Variants in IL6R observed in about 807,000 individuals in gnomAD.
IL6R encodes interleukin-6 receptor subunit alpha.
A neutral mutation model predicts 48.3 loss-of-function variants in IL6R; 38 were observed. That is an observed-to-expected ratio of 0.79 (90% CI 0.61 to 1.03). The LOEUF is 1.03. Ranked by LOEUF, IL6R falls within the 50% of genes least tolerant of loss-of-function variation. IL6R has a pLI of 0.00. For synonymous variants in IL6R, 264 were observed against 256.2 expected, an observed-to-expected ratio of 1.03 and a Z score of -0.29; for missense variants, 534 against 618.3, an observed-to-expected ratio of 0.86 and a Z score of 1.45.
intron 9 of IL6R, among the ~76,000 whole-genome samples, chr1:154,462,563 T>TG (rs1182377989): frequency 1.3e-5 from 2 of 151,572 alleles, no homozygotes; most frequent in African/African-American, 2.4e-5. Flanking sequence ...TTAATAGAGG[T>TG]GGGGTTTCAC....
At chr1:154,439,390 A>G (rs1467437960) in intron 6 of IL6R, among the ~76,000 whole-genome samples, 1 of 152,016 alleles carries the variant, frequency 6.6e-6, no homozygotes, top group Admixed American at 6.6e-5. Context: ...TCTCAGCTCA[A>G]TGCAACCTCT....
chr1:154,435,297 G>A (rs966101252), intron 5 of IL6R, 141 bp downstream of exon 5: 3 of 713,438 alleles, frequency 4.2e-6, no homozygotes, highest in Non-Finnish European at 4.6e-6. Flanking sequence ...ATCACTTGAG[G>A]TCAGGAGTTC....
chr1:154,449,003 C>T (rs1297154820), intron 7 of IL6R, among the ~76,000 whole-genome samples: 2 of 146,774 alleles, frequency 1.4e-5, no homozygotes, highest in East Asian at 4.0e-4. Context: ...ACGCCATTCT[C>T]CTGCCTCAGC....
At chr1:154,458,181 A>G (rs1172026020) in intron 9 of IL6R, among the ~76,000 whole-genome samples, 1 of 151,924 alleles carries the variant, frequency 6.6e-6, no homozygotes, top group Non-Finnish European at 1.5e-5. Flanking sequence ...CGTGTTAGCC[A>G]GGATGGTTTC....
In IL6R at chr1:154,449,966, C is replaced by A; in HGVS notation, c.1052C>A (p.Ala351Glu). ...ATTCTCTTCAGAGATTCTGCAAATG[C>A]GACAAGCCTCCCAGGTAAGGACTGG... is the stretch of plus-strand genomic sequence containing the variant. Reference protein sequence around the residue: ...DNILFRDSANATSLPVQDSSS... With the variant: ...DNILFRDSANETSLPVQDSSS... Residue 351 changes from alanine to glutamate, a missense_variant, in exon 8 of 10, where the codon GCG (alanine) becomes GAG (glutamate). Coordinates refer to ENST00000368485, the MANE Select transcript of IL6R (RefSeq NM_000565.4). 1.2e-6 allele frequency: 2 copies of A among 1,605,652 alleles called. No homozygotes were observed. Among genetic ancestry groups the A allele is most frequent in the Non-Finnish European group, 1.7e-6 (2 of 1,172,308 alleles).
At chr1:154,451,543 A>C (rs1690580567) in intron 8 of IL6R, among the ~76,000 whole-genome samples, 1 of 151,896 alleles carries the variant, frequency 6.6e-6, no homozygotes, top group African/African-American at 2.4e-5. Flanking sequence ...CAACAACAAA[A>C]ACAAAAGCTG....
chr1:154,461,218 C>T (rs529209010), intron 9 of IL6R, among the ~76,000 whole-genome samples: 94 of 152,284 alleles, frequency 6.2e-4, no homozygotes, highest in African/African-American at 2.2e-3. Flanking sequence ...ACCAGGAGTG[C>T]GGGAGGAGCA....
chr1:154,420,628 C>T (rs192639768), intron 1 of IL6R, among the ~76,000 whole-genome samples: 2 of 151,726 alleles, frequency 1.3e-5, no homozygotes, highest in Non-Finnish European at 2.9e-5. Context: ...CTCTGCCTCC[C>T]GGATTCAAGC....
At chr1:154,432,655 G>T (rs1689364059) in intron 3 of IL6R, among the ~76,000 whole-genome samples, 1 of 152,212 alleles carries the variant, frequency 6.6e-6, no homozygotes, top group Non-Finnish European at 1.5e-5. Flanking sequence ...ACCGCGCCCG[G>T]CTTGACTGGA....
intron 1 of IL6R, among the ~76,000 whole-genome samples, chr1:154,416,763 GA>G (rs1408156070): frequency 2.0e-5 from 3 of 152,126 alleles, no homozygotes; most frequent in African/African-American, 7.2e-5. Context: ...GGGCCTGTAT[GA>G]AAAAGTGTTA....
At chr1:154,435,236 A>G (rs2149244700) in intron 5 of IL6R, 80 bp downstream of exon 5, 2 of 1,389,404 alleles carry the variant, frequency 1.4e-6, no homozygotes, top group South Asian at 1.3e-5. Context: ...GAGGCCAGGC[A>G]TGGTGGCTCA....
chr1:154,449,611 C>A (rs917610512), intron 7 of IL6R, among the ~76,000 whole-genome samples: 1 of 152,224 alleles, frequency 6.6e-6, no homozygotes, highest in African/African-American at 2.4e-5. Flanking sequence ...TGCATCCTTG[C>A]ATCGGACCTG....
chr1:154,405,923 C>T lies in IL6R; in HGVS notation c.85+209C>T, dbSNP rs1687684569. 6.6e-6 allele frequency among the ~76,000 whole-genome samples: 1 copy of T among 152,134 alleles called. No homozygotes were observed. The highest frequency in any genetic ancestry group is 2.1e-4 in the South Asian group (1 of 4,828). The stretch of plus-strand genomic sequence containing the variant: ...CCCTGCTGCGCTTGCTCCCTTGGTC[C>T]GGAGCGCTCCCCGGAATGCCCGGTG... On this transcript the variant is annotated intron_variant, in intron 1 of 9. Transcript: ENST00000368485. This position sits in a 1 kb window ranked among gnomAD's most constrained non-coding sequence, Gnocchi z 5.2.
intron 1 of IL6R, among the ~76,000 whole-genome samples, chr1:154,425,896 A>G (rs1309516911): frequency 6.6e-6 from 1 of 151,978 alleles, no homozygotes; most frequent in Non-Finnish European, 1.5e-5. Context: ...CCTGGGCAAT[A>G]TATTGAGAAC....
chr1:154,434,049 C>G (rs1362187357), intron 3 of IL6R, among the ~76,000 whole-genome samples: 1 of 151,752 alleles, frequency 6.6e-6, no homozygotes, highest in Non-Finnish European at 1.5e-5. Flanking sequence ...CTTAACAGAA[C>G]CAGCCACGTG....
intron 4 of IL6R, 53 bp downstream of exon 4, chr1:154,434,753 A>G: frequency 6.5e-7 from 1 of 1,534,462 alleles, no homozygotes; most frequent in Non-Finnish European, 8.9e-7. Context: ...TTGATTTAAT[A>G]CTCCTTATCG....
At chr1:154,420,516 TTTA>T (rs1420184095) in intron 1 of IL6R, among the ~76,000 whole-genome samples, 1 of 148,796 alleles carries the variant, frequency 6.7e-6, no homozygotes, top group Non-Finnish European at 1.5e-5. Flanking sequence ...TTTTATTTTA[TTTA>T]TTTATTTATT....
Position 154,405,637 on chromosome 1 carries a change from C to G in IL6R, c.8C>G (p.Ala3Gly). The change falls in exon 1 of 10, where the codon GCC becomes GGC. Residue 3 changes from alanine to glycine, a missense_variant. Ala to Gly is a moderately conservative substitution (Grantham distance 60). Coordinates refer to ENST00000368485, the MANE Select transcript of IL6R (RefSeq NM_000565.4). This position sits in a 1 kb window ranked among gnomAD's most constrained non-coding sequence, Gnocchi z 5.2. ...GGTAGCCGAGGAGGAAGCATGCTGG[C>G]CGTCGGCTGCGCGCTGCTGGCTGCC... The part of the protein sequence containing the change: ML[A>G]VGCALLAALL... 6.5e-7 allele frequency: 1 copy of G among 1,531,712 alleles called. No homozygotes were observed. 94.9% of individuals were successfully genotyped at this position (1,531,712 alleles called of 1,614,324 possible). A position where few individuals can be genotyped will look rare whatever the true frequency, so the allele number is the denominator to read the frequency against.
intron 9 of IL6R, among the ~76,000 whole-genome samples, chr1:154,457,403 C>G (rs114417996): frequency 6.6e-6 from 1 of 151,564 alleles, no homozygotes; most frequent in Non-Finnish European, 1.5e-5. Flanking sequence ...AAATCCAAGG[C>G]GCCCAAGCAG....
Sources: allele counts gnomAD v4.1 joint callset (sites outside exome capture counted in the v4.1 genomes callset), GRCh38; gene constraint gnomAD v4.1.1; non-coding constraint Gnocchi (gnomAD v3.1); transcripts MANE v1.5; gene names NCBI Gene and HGNC (gene_info 2026-07-23, HGNC 2026-07-21).